The following SCN8A variants were observed in gnomAD, a reference collection of about 807,000 sequenced individuals.
The protein encoded by SCN8A is sodium channel protein type 8 subunit alpha.
A neutral mutation model predicts 184.1 loss-of-function variants in SCN8A; 30 were observed. That is an observed-to-expected ratio of 0.16 (90% confidence interval 0.12 to 0.22). The LOEUF (loss-of-function observed/expected upper bound fraction) is 0.22. SCN8A is among the 10% of genes least tolerant of loss of function. The probability of loss-of-function intolerance (pLI) is 1.00; values close to 1 mark genes in which losing one functional copy is unlikely to be tolerated. For synonymous variants in SCN8A, 852 were observed against 907.0 expected (o/e 0.94, Z 1.09); for missense variants, 1,057 against 2,498.9 (o/e 0.42, Z 12.30).
chr12:51,612,465 C>T (rs1003933972), intron 1 of SCN8A, among the ~76,000 whole-genome samples: 7 of 152,140 alleles, frequency 4.6e-5, no homozygotes, highest in African/African-American at 1.7e-4. Flanking sequence ...GCCCTAGCTG[C>T]TAGTTTTAGT....
chr12:51,728,731 CAAAAAAA>C (rs10560307), intron 12 of SCN8A, among the ~76,000 whole-genome samples: 146 of 140,350 alleles, frequency 1.0e-3, no homozygotes, highest in South Asian at 1.9e-3. Flanking sequence ...CCCTGTTTCC[CAAAAAAA>C]AAAAAAAAAA....
rs187327463 is a variant in SCN8A, at chr12:51,780,651, C to T, written c.3822C>T (p.Val1274=). 2.0e-3 allele frequency: 2,570 copies of T among 1,254,198 alleles called. 2 individuals carry two copies. The highest frequency in any genetic ancestry group is 2.2e-3 in the Non-Finnish European group (2,119 of 980,156). The allele number at this position is 1,254,198 out of a possible 1,614,324, so 77.7% of individuals were successfully genotyped here. Residue 1274 remains valine, a splice_region_variant and synonymous_variant, in exon 21 of 27, where the codon GTC becomes GTT. Transcript: ENST00000627620. ...TTTTCTCTTCTGTTTCTGTGTAGGT[C>T]TCTTTAGTCAGCCTTATAGCTAATG... ...WCWLDFLIVA[V]SLVSLIANAL...
Position 51,812,625 on chromosome 12 carries a change from T to C in SCN8A, c.*5196T>C, listed in dbSNP as rs1276848663. 1.3e-5 allele frequency: 2 copies of C among 152,212 alleles called. No individual in the cohort carries two copies. The highest frequency in any genetic ancestry group is 1.9e-4 in the East Asian group (1 of 5,194). 9.4% of individuals were successfully genotyped at this position (152,212 alleles called of 1,614,324 possible). A position where few individuals can be genotyped will look rare whatever the true frequency, so the allele number is the denominator to read the frequency against. ...GTCGAGAAAATGTCTTTCCTTTCAC[T>C]TGCTTCTGGGGTTTGTGATTATTCA... On this transcript the variant is annotated 3_prime_UTR_variant, in exon 27 of 27. Coordinates refer to ENST00000627620, the MANE Select transcript of SCN8A (RefSeq NM_001330260.2).
At chr12:51,716,743 A>T (rs919047657) in intron 11 of SCN8A, among the ~76,000 whole-genome samples, 4 of 152,104 alleles carry the variant, frequency 2.6e-5, no homozygotes, top group African/African-American at 9.7e-5. Flanking sequence ...CTCAAGAGAG[A>T]TATATGTGCC....
At position 51,679,563 on chromosome 12, in the gene SCN8A, C is replaced by T. The variant is rs576882111; in HGVS notation, c.277-4611C>T. Among the ~76,000 whole-genome samples, 7 of 152,258 alleles carry T rather than the reference C, an allele frequency of 4.6e-5. No individual in the cohort carries two copies. The South Asian group carries it at 1.5e-3, about 32-fold the overall frequency. On this transcript the variant is annotated intron_variant, in intron 2 of 26. Transcript: ENST00000627620. ...GTTTTAACAGACACTGTATGGCCTA[C>T]AAAGCCTGCAGTATTGACTGCCTGC... is the stretch of plus-strand genomic sequence containing the variant.
At chr12:51,711,480 C>G (rs1004738227) in intron 11 of SCN8A, among the ~76,000 whole-genome samples, 1 of 152,196 alleles carries the variant, frequency 6.6e-6, no homozygotes, top group African/African-American at 2.4e-5. Flanking sequence ...TAGAAAGAAT[C>G]ACTTATAACT....
rs138686718 is a variant in SCN8A, at chr12:51,592,566, G to A, written c.-55+1207G>A. On this transcript the variant is annotated intron_variant, in intron 1 of 26. Transcript: ENST00000627620. ...ATAATAAATGGATGTCATCTGTTTG[G>A]GGGGAGGGTAGAAGAAACTTTGGAT... Among the ~76,000 whole-genome samples the A allele has an allele frequency of 4.7e-3, 716 of 152,082 alleles. 6 individuals are homozygous for A. Among genetic ancestry groups the A allele is most frequent in the Middle Eastern group, 0.017 (5 of 294 alleles).
intron 2 of SCN8A, among the ~76,000 whole-genome samples, chr12:51,664,054 C>G (rs1940980465): frequency 6.6e-6 from 1 of 151,900 alleles, no homozygotes; most frequent in East Asian, 1.9e-4. Flanking sequence ...GGACTACAGG[C>G]TCAGAGCAGC....
chr12:51,633,457 A>G (rs1272788501), intron 1 of SCN8A, among the ~76,000 whole-genome samples: 1 of 152,032 alleles, frequency 6.6e-6, no homozygotes, highest in Non-Finnish European at 1.5e-5. Flanking sequence ...AATCTTCATC[A>G]ACTGTTTGGC....
chr12:51,712,488 C>G, intron 11 of SCN8A: 1 of 769,458 alleles, frequency 1.3e-6, no homozygotes, highest in Middle Eastern at 2.3e-4. Context: ...CTATATCCAC[C>G]ACTTCCACCA....
At chr12:51,687,023 G>C in intron 4 of SCN8A, 68 bp from the exon 5 acceptor site, 2 of 1,564,484 alleles carry the variant, frequency 1.3e-6, no homozygotes, top group Non-Finnish European at 8.8e-7. Context: ...TCAGGCAAGT[G>C]CTAACTTAAA....
intron 1 of SCN8A, among the ~76,000 whole-genome samples, chr12:51,662,329 C>T (rs1218941906): frequency 6.6e-6 from 1 of 152,116 alleles, no homozygotes; most frequent in Non-Finnish European, 1.5e-5. Context: ...ACAATTTATC[C>T]TCATCTTGCC....
chr12:51,687,521 C>T (rs183313830), intron 5 of SCN8A, among the ~76,000 whole-genome samples: 12 of 152,256 alleles, frequency 7.9e-5, no homozygotes, highest in African/African-American at 2.4e-4. Flanking sequence ...GTAACGATCA[C>T]GGTTTGCACA....
At chr12:51,624,710 T>C (rs1412276112) in intron 1 of SCN8A, among the ~76,000 whole-genome samples, 1 of 152,220 alleles carries the variant, frequency 6.6e-6, no homozygotes, top group Non-Finnish European at 1.5e-5. Context: ...TGAATGGTAT[T>C]GCCTAGGTTT....
At chr12:51,761,360 G>GA (rs1304584459) in intron 14 of SCN8A, among the ~76,000 whole-genome samples, 2 of 151,880 alleles carry the variant, frequency 1.3e-5, no homozygotes, top group Middle Eastern at 3.4e-3. Context: ...TTATCCTATT[G>GA]AAAAAAATTA....
At chr12:51,766,558 G>A (rs1050783971) in intron 16 of SCN8A, among the ~76,000 whole-genome samples, 1 of 152,126 alleles carries the variant, frequency 6.6e-6, no homozygotes, top group Admixed American at 6.5e-5. Flanking sequence ...TCCCTGGGGG[G>A]CAAAATTGCC....
At chr12:51,597,087 G>T (rs1369036652) in intron 1 of SCN8A, among the ~76,000 whole-genome samples, 1 of 152,126 alleles carries the variant, frequency 6.6e-6, no homozygotes, top group Non-Finnish European at 1.5e-5. Flanking sequence ...TTCCTTGGGT[G>T]TATGGAGATG....
At chr12:51,648,375 GTC>G (rs1940638154) in intron 1 of SCN8A, among the ~76,000 whole-genome samples, 1 of 152,162 alleles carries the variant, frequency 6.6e-6, no homozygotes, top group Non-Finnish European at 1.5e-5. Flanking sequence ...GTGTAAATGT[GTC>G]TCTATGTAGT....
chr12:51,591,405 C>G (rs1939213681), intron 1 of SCN8A, 46 bp downstream of exon 1: 1 of 153,402 alleles, frequency 6.5e-6, no homozygotes, highest in East Asian at 1.9e-4. Context: ...TCCTGCCCTC[C>G]GGGTTTCCCT....
Sources: allele counts gnomAD v4.1 joint callset (sites outside exome capture counted in the v4.1 genomes callset), GRCh38; gene constraint gnomAD v4.1.1; transcripts MANE v1.5; gene names NCBI Gene and HGNC (gene_info 2026-07-23, HGNC 2026-07-21).